Variants in HRH1 observed in about 807,000 individuals in gnomAD.
HRH1 encodes histamine receptor H1.
HRH1 carries 6 observed loss-of-function variants against 10.3 expected under a neutral mutation model. That is an observed-to-expected ratio of 0.58 (90% CI 0.32 to 1.15). The LOEUF (loss-of-function observed/expected upper bound fraction) is 1.15, where lower values mean the gene tolerates loss of function less well. Ranked by LOEUF, HRH1 falls within the 50% of genes most tolerant of loss-of-function variation. The pLI is 0.05. For missense variants in HRH1, 514 were observed against 615.3 expected (o/e 0.84, Z 1.74); for synonymous variants, 242 against 236.7 (o/e 1.02, Z -0.21).
intron 1 of HRH1, among the ~76,000 whole-genome samples, chr3:11,168,612 T>G (rs542562963): frequency 2.0e-5 from 3 of 152,366 alleles, no homozygotes; most frequent in Non-Finnish European, 4.4e-5. Context: ...TTGCCTCATC[T>G]ATAACATGAG....
At position 11,187,835 on chromosome 3, in the gene HRH1, G is replaced by A. The variant is rs186188926; in HGVS notation, c.-36+33281G>A. ...CTTCTTTCTTAAGGTGTTTTTCCAC[G>A]TTGCTGAAGTCTCTGTAGCCTCCAG... On this transcript the variant is annotated intron_variant, in intron 1 of 1. Transcript: ENST00000431010. Among the ~76,000 whole-genome samples the A allele has an allele frequency of 1.9e-3, 294 of 152,242 alleles. 1 individual carries two copies. The highest frequency in any genetic ancestry group is 3.4e-3 in the Middle Eastern group (1 of 294).
chr3:11,249,931 A>G (rs1401694101), intron 1 of HRH1, among the ~76,000 whole-genome samples: 5 of 152,142 alleles, frequency 3.3e-5, no homozygotes, highest in African/African-American at 1.2e-4. Context: ...ACAAGCATAG[A>G]AAGTGATAGT....
chr3:11,160,633 C>T (rs1936903758), intron 1 of HRH1, among the ~76,000 whole-genome samples: 1 of 152,178 alleles, frequency 6.6e-6, no homozygotes, highest in Non-Finnish European at 1.5e-5. Context: ...ACGTCACCTG[C>T]AGCAGCACTA....
chr3:11,139,421 A>T (rs1171853708), intron 1 of HRH1, among the ~76,000 whole-genome samples: 1 of 152,080 alleles, frequency 6.6e-6, no homozygotes, highest in African/African-American at 2.4e-5. Context: ...CTGGGATTAC[A>T]GGCGCCTGCC....
At chr3:11,155,558 T>C (rs1936768730) in intron 1 of HRH1, among the ~76,000 whole-genome samples, 1 of 152,124 alleles carries the variant, frequency 6.6e-6, no homozygotes, top group South Asian at 2.1e-4. Context: ...TGGCAGCTGA[T>C]AGTGCAGAGA....
At chr3:11,168,745 G>A (rs1002369722) in intron 1 of HRH1, among the ~76,000 whole-genome samples, 9 of 152,232 alleles carry the variant, frequency 5.9e-5, no homozygotes, top group African/African-American at 1.9e-4. Context: ...CCAGGGCTGG[G>A]GGTGCGGGCT....
intron 1 of HRH1, among the ~76,000 whole-genome samples, chr3:11,172,968 AT>A (rs1434419691): frequency 6.6e-6 from 1 of 152,136 alleles, no homozygotes; most frequent in East Asian, 1.9e-4. Context: ...AAGTGCTGGG[AT>A]TACAGGCGTG....
At chr3:11,234,203 G>C in intron 1 of HRH1, 1 of 1,184,252 alleles carries the variant, frequency 8.4e-7, no homozygotes, top group Non-Finnish European at 1.2e-6. Context: ...AAGGTCTTTT[G>C]CAAAAGGTCC....
intron 1 of HRH1, among the ~76,000 whole-genome samples, chr3:11,166,639 C>T (rs1452221200): frequency 6.8e-6 from 1 of 146,610 alleles, no homozygotes; most frequent in Non-Finnish European, 1.5e-5. Context: ...TGTCCCCTGG[C>T]TTCTCCAGGC....
At chr3:11,182,129 C>A (rs1440980993) in intron 1 of HRH1, among the ~76,000 whole-genome samples, 1 of 151,962 alleles carries the variant, frequency 6.6e-6, no homozygotes, top group African/African-American at 2.4e-5. Context: ...ATTACAGGTG[C>A]CTGCCACCGC....
intron 1 of HRH1, among the ~76,000 whole-genome samples, chr3:11,161,932 G>A (rs1333643039): frequency 1.3e-5 from 2 of 152,272 alleles, no homozygotes; most frequent in African/African-American, 4.8e-5. Context: ...TGTACCAATC[G>A]AGAATGAAGA....
chr3:11,179,173 A>G (rs1366019659), intron 1 of HRH1, among the ~76,000 whole-genome samples: 2 of 152,128 alleles, frequency 1.3e-5, no homozygotes, highest in South Asian at 4.1e-4. Context: ...CTATAATCCC[A>G]GCTACTTGGG....
At chr3:11,150,540 G>A (rs767157154), upstream of HRH1, among the ~76,000 whole-genome samples, 8 of 152,260 alleles carry the variant, frequency 5.3e-5, no homozygotes, top group Non-Finnish European at 1.2e-4. Flanking sequence ...GGAGCCCAAC[G>A]TAGTGACACT....
chr3:11,223,392 G>C (rs1420267752), intron 1 of HRH1, among the ~76,000 whole-genome samples: 1 of 151,702 alleles, frequency 6.6e-6, no homozygotes, highest in Admixed American at 6.6e-5. Context: ...CCAGCCACTC[G>C]AGAGGCTGAG....
chr3:11,197,474 T>C (rs1159291889), intron 1 of HRH1, among the ~76,000 whole-genome samples: 1 of 152,162 alleles, frequency 6.6e-6, no homozygotes, highest in Non-Finnish European at 1.5e-5. Flanking sequence ...GCCTTTTATA[T>C]TGTAGGATGC....
chr3:11,148,193 A>C (rs1559251576), intron 1 of HRH1, among the ~76,000 whole-genome samples: 1 of 151,688 alleles, frequency 6.6e-6, no homozygotes, highest in African/African-American at 2.4e-5. Context: ...AAAAAAAAAA[A>C]AAAAAGAAAA....
intron 1 of HRH1, among the ~76,000 whole-genome samples, chr3:11,173,434 G>A (rs1371000455): frequency 4.0e-5 from 6 of 151,472 alleles, no homozygotes; most frequent in Admixed American, 1.3e-4. Flanking sequence ...ATGGAGTCTC[G>A]CTCTGTCGCC....
At chr3:11,178,748 C>T (rs762431923) in intron 1 of HRH1, among the ~76,000 whole-genome samples, 2 of 152,178 alleles carry the variant, frequency 1.3e-5, no homozygotes, top group Non-Finnish European at 2.9e-5. Context: ...TTACCCACCA[C>T]CCAGACCCTT....
At chr3:11,245,126 G>A (rs1169125194) in intron 1 of HRH1, among the ~76,000 whole-genome samples, 1 of 152,126 alleles carries the variant, frequency 6.6e-6, no homozygotes, top group African/African-American at 2.4e-5. Context: ...ACCGAGGCAG[G>A]CAGATCACTT....
Sources: allele counts gnomAD v4.1 joint callset (sites outside exome capture counted in the v4.1 genomes callset), GRCh38; gene constraint gnomAD v4.1.1; transcripts MANE v1.5; gene names NCBI Gene and HGNC (gene_info 2026-07-23, HGNC 2026-07-21).